The following KCND2 variants were observed in gnomAD, a reference collection of about 807,000 sequenced individuals.
The protein encoded by KCND2 is A-type voltage-gated potassium channel KCND2.
In KCND2, 16 loss-of-function variants were observed where a neutral mutation model predicts 54.4. The ratio of observed to expected loss-of-function variants is 0.29; its 90% confidence interval spans 0.20 to 0.45. The LOEUF (loss-of-function observed/expected upper bound fraction) is 0.45, where lower values mean the gene tolerates loss of function less well. Among genes scored for constraint, KCND2 ranks in the 20% least tolerant of loss-of-function variants. The probability of loss-of-function intolerance (pLI) is 1.00; values close to 1 mark genes in which losing one functional copy is unlikely to be tolerated. For synonymous variants in KCND2, 317 were observed against 310.7 expected (o/e 1.02, Z -0.21); for missense variants, 486 against 824.2 (o/e 0.59, Z 5.02).
chr7:120,484,667 C>T (rs1802665322), intron 1 of KCND2, among the ~76,000 whole-genome samples: 1 of 150,348 alleles, frequency 6.7e-6, no homozygotes, highest in Non-Finnish European at 1.5e-5. Flanking sequence ...CACATACATT[C>T]CTATCTTAAG....
chr7:120,643,967 A>G (rs113719658), intron 1 of KCND2, among the ~76,000 whole-genome samples: 5 of 151,946 alleles, frequency 3.3e-5, no homozygotes, highest in Non-Finnish European at 5.9e-5. Context: ...TTAGAATAAC[A>G]TAAGTAATCT....
At chr7:120,460,398 G>A (rs1802266236) in intron 1 of KCND2, among the ~76,000 whole-genome samples, 2 of 152,048 alleles carry the variant, frequency 1.3e-5, no homozygotes, top group Non-Finnish European at 2.9e-5. Context: ...TTGTCAGCCT[G>A]ACTCCAAAAA....
chr7:120,425,691 A>T (rs1311548257), intron 1 of KCND2, among the ~76,000 whole-genome samples: 1 of 152,192 alleles, frequency 6.6e-6, no homozygotes. Flanking sequence ...TGCTACGAAG[A>T]CCTGTTCTCT....
chr7:120,343,128 A>G (rs1464327798), intron 1 of KCND2, among the ~76,000 whole-genome samples: 1 of 152,166 alleles, frequency 6.6e-6, no homozygotes, highest in Non-Finnish European at 1.5e-5. Context: ...TTATGTCTCA[A>G]AAGGATGCAC....
At chr7:120,278,912 C>T (rs1222785875) in intron 1 of KCND2, among the ~76,000 whole-genome samples, 2 of 150,514 alleles carry the variant, frequency 1.3e-5, no homozygotes. Context: ...AGCTCTGTTC[C>T]TCCATTTCAT....
intron 1 of KCND2, among the ~76,000 whole-genome samples, chr7:120,436,583 A>G (rs1228473215): frequency 6.6e-6 from 1 of 152,134 alleles, no homozygotes; most frequent in Non-Finnish European, 1.5e-5. Flanking sequence ...CAGAAACTCA[A>G]TCTCAGTCAG....
intron 1 of KCND2, among the ~76,000 whole-genome samples, chr7:120,370,294 G>A (rs1161724387): frequency 6.6e-6 from 1 of 151,968 alleles, no homozygotes; most frequent in Non-Finnish European, 1.5e-5. Context: ...GACAGGGGAG[G>A]CGTGGCCAGA....
At chr7:120,359,268 C>G (rs1181478836) in intron 1 of KCND2, among the ~76,000 whole-genome samples, 1 of 152,102 alleles carries the variant, frequency 6.6e-6, no homozygotes, top group Non-Finnish European at 1.5e-5. Context: ...GGCACCCTTC[C>G]TCTCTTCATA....
intron 1 of KCND2, among the ~76,000 whole-genome samples, chr7:120,732,181 A>G (rs142915347): frequency 1.3e-5 from 2 of 152,256 alleles, no homozygotes; most frequent in East Asian, 3.9e-4. Context: ...AGGACGGAAG[A>G]CTGAGACCTA....
At chr7:120,317,706 T>C (rs1369265610) in intron 1 of KCND2, among the ~76,000 whole-genome samples, 2 of 152,200 alleles carry the variant, frequency 1.3e-5, no homozygotes, top group Non-Finnish European at 1.5e-5. Context: ...ATGGCTGAGA[T>C]TGCAGTACAT....
At chr7:120,478,089 A>G (rs976092420) in intron 1 of KCND2, among the ~76,000 whole-genome samples, 6 of 152,212 alleles carry the variant, frequency 3.9e-5, no homozygotes, top group African/African-American at 1.4e-4. Context: ...CATTAATTCA[A>G]TTTGGAGCAA....
intron 1 of KCND2, among the ~76,000 whole-genome samples, chr7:120,652,920 C>A (rs751489352): frequency 1.1e-4 from 16 of 152,194 alleles, no homozygotes; most frequent in Admixed American, 2.6e-4. Context: ...ACTTTTTAAT[C>A]ATGTTCTTTC....
intron 1 of KCND2, among the ~76,000 whole-genome samples, chr7:120,472,759 A>G (rs548427926): frequency 6.6e-6 from 1 of 152,326 alleles, no homozygotes; most frequent in East Asian, 1.9e-4. Flanking sequence ...TGGTATGAAC[A>G]ATGGCAGATC....
intron 1 of KCND2, among the ~76,000 whole-genome samples, chr7:120,322,135 CAAGT>C (rs1320505902): frequency 1.3e-5 from 2 of 151,538 alleles, no homozygotes; most frequent in Non-Finnish European, 2.9e-5. Context: ...AATTTAATAT[CAAGT>C]AAATTAAATA....
chr7:120,416,711 A>G (rs1801529609), intron 1 of KCND2, among the ~76,000 whole-genome samples: 1 of 151,790 alleles, frequency 6.6e-6, no homozygotes, highest in African/African-American at 2.4e-5. Context: ...CTGAATGTTT[A>G]TCAAGTACTT....
chr7:120,646,148 A>G (rs959636956), intron 1 of KCND2, among the ~76,000 whole-genome samples: 1 of 152,186 alleles, frequency 6.6e-6, no homozygotes, highest in African/African-American at 2.4e-5. Flanking sequence ...CTGTCCCAAG[A>G]TTTCCTTCCC....
chr7:120,432,977 A>G (rs1030539468), intron 1 of KCND2, among the ~76,000 whole-genome samples: 1 of 152,054 alleles, frequency 6.6e-6, no homozygotes, highest in Admixed American at 6.6e-5. Context: ...TCTGACTTCC[A>G]TGGCCTTTTA....
rs140313665 is a variant in KCND2 at position 120,583,571 on chromosome 7, A to G, written c.1116-149332A>G. Among the ~76,000 whole-genome samples the G allele has an allele frequency of 1.5e-3, 230 of 152,300 alleles. 2 individuals carry two copies. The highest frequency in any genetic ancestry group is 5.3e-3 in the African/African-American group (222 of 41,582). ...TGCCTGTGAGGTCTCTCTCTGGCTT[A>G]TAGATGGCGGTCTTCTCCCAGTGTC... On this transcript the variant is annotated intron_variant, in intron 1 of 5. Coordinates refer to ENST00000331113, the MANE Select transcript of KCND2 (RefSeq NM_012281.3).
intron 1 of KCND2, among the ~76,000 whole-genome samples, chr7:120,530,617 C>T (rs1458372257): frequency 6.6e-6 from 1 of 152,078 alleles, no homozygotes; most frequent in Non-Finnish European, 1.5e-5. Context: ...TGTCTTTTAT[C>T]CTACTGCATA....
Sources: allele counts gnomAD v4.1 joint callset (sites outside exome capture counted in the v4.1 genomes callset), GRCh38; gene constraint gnomAD v4.1.1; transcripts MANE v1.5; gene names NCBI Gene and HGNC (gene_info 2026-07-23, HGNC 2026-07-21).